ASAP1: variants seen among roughly 807,000 people sequenced by gnomAD.
The protein encoded by ASAP1 is ArfGAP with SH3 domain, ankyrin repeat and PH domain 1.
ASAP1 carries 43 observed loss-of-function variants against 145.2 expected under a neutral mutation model. The observed-to-expected ratio is 0.30, with a 90% CI of 0.23 to 0.38. The LOEUF is 0.38. Ranked by LOEUF, ASAP1 falls within the 10% of genes least tolerant of loss-of-function variation. The probability of loss-of-function intolerance (pLI) is 1.00; values close to 1 mark genes in which losing one functional copy is unlikely to be tolerated. For synonymous variants in ASAP1, 546 were observed against 515.5 expected, an observed-to-expected ratio of 1.06 and a Z score of -0.80; for missense variants, 1,018 against 1,355.3, an observed-to-expected ratio of 0.75 and a Z score of 3.91.
chr8:130,085,466 G>C (rs2135372551), intron 25 of ASAP1, among the ~76,000 whole-genome samples: 1 of 152,348 alleles, frequency 6.6e-6, no homozygotes, highest in South Asian at 2.1e-4. Context: ...CGGGTGAAGA[G>C]GCTCACGCCT....
chr8:130,430,663 A>C (rs571489517), intron 1 of ASAP1, among the ~76,000 whole-genome samples: 1 of 152,298 alleles, frequency 6.6e-6, no homozygotes, highest in Non-Finnish European at 1.5e-5. Context: ...GGGTTGGATG[A>C]TTCCAGAGAA....
At chr8:130,182,933 TG>T (rs1565061501) in intron 7 of ASAP1, among the ~76,000 whole-genome samples, 1 of 141,202 alleles carries the variant, frequency 7.1e-6, no homozygotes, top group African/African-American at 2.6e-5. Context: ...GAAAAAACAC[TG>T]AAAAAATAAC....
At chr8:130,156,305 A>C (rs2097658133) in intron 12 of ASAP1, among the ~76,000 whole-genome samples, 1 of 152,234 alleles carries the variant, frequency 6.6e-6, no homozygotes, top group South Asian at 2.1e-4. Context: ...AGAAGTCACA[A>C]GCAACTCCAG....
chr8:130,386,315 T>C (rs1354783964), intron 2 of ASAP1, among the ~76,000 whole-genome samples: 1 of 152,196 alleles, frequency 6.6e-6, no homozygotes, highest in Non-Finnish European at 1.5e-5. Context: ...ATTCCCTTCT[T>C]GCTTAAGGCA....
At chr8:130,113,938 C>A (rs1339555617) in intron 23 of ASAP1, among the ~76,000 whole-genome samples, 1 of 152,020 alleles carries the variant, frequency 6.6e-6, no homozygotes, top group Non-Finnish European at 1.5e-5. Context: ...CACACCACCA[C>A]GGCCAGCTAA....
chr8:130,408,708 A>T (rs1275942609), intron 1 of ASAP1, among the ~76,000 whole-genome samples: 1 of 152,202 alleles, frequency 6.6e-6, no homozygotes, highest in Non-Finnish European at 1.5e-5. Context: ...TCCTAGGCAC[A>T]TTCATTAAAT....
At chr8:130,363,819 G>A in intron 2 of ASAP1, among the ~76,000 whole-genome samples, 1 of 152,210 alleles carries the variant, frequency 6.6e-6, no homozygotes, top group South Asian at 2.1e-4. Context: ...ATTTTTCCCA[G>A]CCCAGGCAAC....
At chr8:130,382,208 C>A (rs1317772122) in intron 2 of ASAP1, among the ~76,000 whole-genome samples, 2 of 143,342 alleles carry the variant, frequency 1.4e-5, no homozygotes, top group East Asian at 4.1e-4. Flanking sequence ...ATGGTGTGAA[C>A]CCAGGAGGCG....
At chr8:130,337,650 A>T (rs1303126047) in intron 3 of ASAP1, among the ~76,000 whole-genome samples, 1 of 152,198 alleles carries the variant, frequency 6.6e-6, no homozygotes, top group African/African-American at 2.4e-5. Flanking sequence ...TGAAGTACTA[A>T]AGGCTAGCCA....
At chr8:130,085,791 A>G (rs2097491697) in intron 25 of ASAP1, among the ~76,000 whole-genome samples, 1 of 151,976 alleles carries the variant, frequency 6.6e-6, no homozygotes, top group African/African-American at 2.4e-5. Flanking sequence ...TTCAAAAATC[A>G]TAAATTCCCT....
At chr8:130,311,761 C>CAAAAAAAA (rs201264577) in intron 3 of ASAP1, among the ~76,000 whole-genome samples, 1 of 85,366 alleles carries the variant, frequency 1.2e-5, no homozygotes, top group African/African-American at 5.4e-5. Context: ...AACTCCGTCT[C>CAAAAAAAA]AAAAAAAAAA....
intron 24 of ASAP1, among the ~76,000 whole-genome samples, chr8:130,092,375 C>T (rs959997007): frequency 2.0e-5 from 3 of 151,974 alleles, no homozygotes; most frequent in Non-Finnish European, 2.9e-5. Flanking sequence ...CCTGTAATCC[C>T]CTGCACTGTA....
intron 3 of ASAP1, among the ~76,000 whole-genome samples, chr8:130,287,397 T>A (rs901435929): frequency 2.0e-5 from 3 of 152,176 alleles, no homozygotes; most frequent in African/African-American, 4.8e-5. Context: ...CACTTACTCA[T>A]CAGTCACACC....
intron 5 of ASAP1, among the ~76,000 whole-genome samples, chr8:130,193,719 T>A (rs1565074582): frequency 6.6e-6 from 1 of 152,186 alleles, no homozygotes; most frequent in Non-Finnish European, 1.5e-5. Context: ...ATTAGTACCT[T>A]GATCTGAAAG....
intron 25 of ASAP1, among the ~76,000 whole-genome samples, chr8:130,090,274 A>G (rs1226257635): frequency 6.9e-6 from 1 of 145,520 alleles, no homozygotes; most frequent in African/African-American, 2.6e-5. Context: ...AAATAAAGCC[A>G]CTTAAACAAG....
chr8:130,057,697 C>G (rs2097407276), intron 29 of ASAP1, among the ~76,000 whole-genome samples: 1 of 152,248 alleles, frequency 6.6e-6, no homozygotes, highest in African/African-American at 2.4e-5. Flanking sequence ...ATCCATCCGC[C>G]TCAGCCTCCC....
intron 3 of ASAP1, among the ~76,000 whole-genome samples, chr8:130,331,873 T>C (rs1824715323): frequency 6.6e-6 from 1 of 151,780 alleles, no homozygotes; most frequent in Admixed American, 6.6e-5. Flanking sequence ...AGCTGAAAAA[T>C]GGGGAAACTG....
intron 15 of ASAP1, among the ~76,000 whole-genome samples, chr8:130,132,392 CA>C (rs1308720701): frequency 6.7e-6 from 1 of 149,392 alleles, no homozygotes; most frequent in Admixed American, 6.6e-5. Flanking sequence ...ACTCTATACC[CA>C]TAACAACAAG....
At chr8:130,257,425 TA>T (rs1417149553) in intron 3 of ASAP1, among the ~76,000 whole-genome samples, 2 of 152,322 alleles carry the variant, frequency 1.3e-5, no homozygotes, top group Non-Finnish European at 2.9e-5. Flanking sequence ...CACAAAGCAC[TA>T]CTCTGGAGGA....
Sources: gnomAD v4.1 joint callset for allele counts (sites outside exome capture counted in the v4.1 genomes callset) on GRCh38, gnomAD v4.1.1 for gene constraint, MANE v1.5 for transcripts, NCBI Gene and HGNC (gene_info 2026-07-23, HGNC 2026-07-21) for gene names.